Variants in CABIN1 observed in about 807,000 individuals in gnomAD.
CABIN1 encodes calcineurin binding protein 1, also known as calcineurin-binding protein cabin-1.
CABIN1 carries 133 observed loss-of-function variants against 227.7 expected under a neutral mutation model. That is an observed-to-expected ratio of 0.58 (90% CI 0.51 to 0.67). The LOEUF is 0.67. Ranked by LOEUF, CABIN1 falls within the 30% of genes least tolerant of loss-of-function variation. The pLI is 0.00. For missense variants in CABIN1, 2,408 were observed against 2,852.5 expected, an observed-to-expected ratio of 0.84 and a Z score of 3.55; for synonymous variants, 1,086 against 1,155.1, an observed-to-expected ratio of 0.94 and a Z score of 1.21.
At chr22:24,027,342 G>A (rs6004045) in intron 1 of CABIN1, among the ~76,000 whole-genome samples, 16,918 of 152,042 alleles carry the variant, frequency 0.11, 1,064 homozygotes, top group East Asian at 0.16. Context: ...ATTTTTTTCT[G>A]TGTAATCTCT....
chr22:24,086,576 T>C (rs1264971221), intron 22 of CABIN1, among the ~76,000 whole-genome samples: 1 of 152,244 alleles, frequency 6.6e-6, no homozygotes, highest in Non-Finnish European at 1.5e-5. Context: ...ACTTGGTGCT[T>C]AGTCTGCTCT....
At chr22:24,122,510 C>T (rs1436808117) in intron 28 of CABIN1, among the ~76,000 whole-genome samples, 1 of 152,074 alleles carries the variant, frequency 6.6e-6, no homozygotes, top group Admixed American at 6.5e-5. Context: ...GAGTTCAAGA[C>T]CACCTTGGCC....
chr22:24,096,710 TG>T (rs1282072349), intron 25 of CABIN1, among the ~76,000 whole-genome samples: 1 of 152,192 alleles, frequency 6.6e-6, no homozygotes, highest in Non-Finnish European at 1.5e-5. Flanking sequence ...TGGGGTGACA[TG>T]GGGAATGTTG....
chr22:24,135,423 T>G (rs1478890734), intron 29 of CABIN1, among the ~76,000 whole-genome samples: 1 of 152,056 alleles, frequency 6.6e-6, no homozygotes, highest in Non-Finnish European at 1.5e-5. Flanking sequence ...TATTGGGCTT[T>G]TAGTGAACTT....
intron 16 of CABIN1, among the ~76,000 whole-genome samples, chr22:24,068,397 G>A (rs948075098): frequency 1.3e-5 from 2 of 152,246 alleles, no homozygotes; most frequent in African/African-American, 4.8e-5. Context: ...AGAGAGGCCA[G>A]TGGTCTCTGC....
At chr22:24,083,498 A>G in intron 20 of CABIN1, 109 bp downstream of exon 20, 2 of 1,247,092 alleles carry the variant, frequency 1.6e-6, no homozygotes, top group South Asian at 1.3e-5. Context: ...TTGGAGTTGC[A>G]TCAGAAGGAG....
At chr22:24,065,565 G>A (rs1489233772) in intron 15 of CABIN1, among the ~76,000 whole-genome samples, 106 of 152,084 alleles carry the variant, frequency 7.0e-4, no homozygotes, top group African/African-American at 2.0e-3. Context: ...AGACGATGGC[G>A]GCCAGGCAGA....
Position 24,087,532 on chromosome 22 carries a change from A to C in CABIN1, c.3344A>C (p.Asp1115Ala). 6.2e-7 allele frequency: 1 copy of C among 1,614,210 alleles called. No individual in the cohort carries two copies. Among genetic ancestry groups the C allele is most frequent in the Non-Finnish European group, 8.5e-7 (1 of 1,180,030 alleles). The change falls in exon 23 of 37, where the codon GAT (aspartate) becomes GCT (alanine). Residue 1115 changes from aspartate (D) to alanine (A), a missense_variant. Physicochemically the swap from Asp to Ala is moderately radical, Grantham distance 126. Transcript: ENST00000263119. ...CTGAACTCCAATGAGCTGAAGAGTG[A>C]TGGGCCCATTTGGAAGCATGCCACG... Reference protein sequence around the residue: ...DKLNSNELKSDGPIWKHATPV... With the variant: ...DKLNSNELKSAGPIWKHATPV...
chr22:24,122,425 A>C (rs1297460817), intron 28 of CABIN1, among the ~76,000 whole-genome samples: 1 of 152,182 alleles, frequency 6.6e-6, no homozygotes, highest in African/African-American at 2.4e-5. Context: ...TGCTCCAATG[A>C]GGCTGGGCAC....
At chr22:24,175,976 A>C in intron 34 of CABIN1, 135 bp from the exon 35 acceptor site, 1 of 1,043,666 alleles carries the variant, frequency 9.6e-7, no homozygotes, top group Middle Eastern at 2.4e-4. Flanking sequence ...TGCCTCAGCC[A>C]GGACCCCAGC....
intron 35 of CABIN1, among the ~76,000 whole-genome samples, chr22:24,176,938 C>T (rs1213534725): frequency 1.3e-5 from 2 of 152,206 alleles, no homozygotes; most frequent in Admixed American, 6.5e-5. Flanking sequence ...AATGTGGAGA[C>T]GAGCCAGGCC....
intron 19 of CABIN1, among the ~76,000 whole-genome samples, chr22:24,076,810 T>A (rs1353038160): frequency 6.6e-6 from 1 of 152,084 alleles, no homozygotes; most frequent in Non-Finnish European, 1.5e-5. Context: ...GCTCCCTGGG[T>A]TTACTAGGGA....
chr22:24,064,933 G>A (rs1162888274), intron 15 of CABIN1, among the ~76,000 whole-genome samples: 2 of 152,100 alleles, frequency 1.3e-5, no homozygotes, highest in Non-Finnish European at 2.9e-5. Flanking sequence ...CACAGACACA[G>A]CAACCATCCG....
At chr22:24,068,840 C>G (rs1250478668) in intron 16 of CABIN1, among the ~76,000 whole-genome samples, 1 of 152,154 alleles carries the variant, frequency 6.6e-6, no homozygotes, top group African/African-American at 2.4e-5. Flanking sequence ...CTTAGACAGT[C>G]TTTCCAAGAG....
At chr22:24,152,092 C>T (rs553511691) in intron 29 of CABIN1, among the ~76,000 whole-genome samples, 5 of 152,332 alleles carry the variant, frequency 3.3e-5, no homozygotes, top group Admixed American at 6.5e-5. Context: ...CCGCATGTGC[C>T]GTCCCCGTGG....
chr22:24,134,292 G>A lies in CABIN1; in HGVS notation c.4633-10G>A, dbSNP rs181072833. 38 of 1,610,892 alleles carry A rather than the reference G, an allele frequency of 2.4e-5. No individual in the cohort carries two copies. The Admixed American group carries it at 5.3e-4, about 23-fold the overall frequency. ...CACACTCACTTTCAACCTACTTCTT[G>A]TTTCCCCAGAACCTCCAGTGGGCCC... is the stretch of plus-strand genomic sequence containing the variant. On this transcript the variant is annotated splice_polypyrimidine_tract_variant and intron_variant, in intron 28 of 36. Transcript: ENST00000263119.
At chr22:24,039,736 T>TTTCAGCCTTAAAAGGTTGC (rs1366913031) in intron 4 of CABIN1, among the ~76,000 whole-genome samples, 1 of 152,240 alleles carries the variant, frequency 6.6e-6, no homozygotes, top group East Asian at 1.9e-4. Context: ...AGTGTATCAC[T>TTTCAGCCTTAAAAGGTTGC]TTCAGCCTTA....
At position 24,084,925 on chromosome 22, in the gene CABIN1, T is replaced by TG. The variant is rs2041053131; in HGVS notation, c.3118-80dup. ...AGGAGAGGCTGGAGAGTCTGTCCTG[T>TG]GACTAAACAGTCCTGGGTTTACTGG... is the stretch of plus-strand genomic sequence containing the variant. On this transcript the variant is annotated intron_variant, in intron 21 of 36. Coordinates refer to ENST00000263119, the MANE Select transcript of CABIN1 (RefSeq NM_012295.4). The TG allele has an allele frequency of 2.5e-6, 4 of 1,591,706 alleles. No homozygotes were observed. In the South Asian group the frequency reaches 4.4e-5, roughly 18 times the overall value.
chr22:24,034,354 A>G (rs948325283), intron 1 of CABIN1, among the ~76,000 whole-genome samples: 1 of 152,390 alleles, frequency 6.6e-6, no homozygotes, highest in East Asian at 1.9e-4. Context: ...GCCAGAAGAT[A>G]CATGCTATTT....
Sources: gnomAD v4.1 joint callset for allele counts (sites outside exome capture counted in the v4.1 genomes callset) on GRCh38, gnomAD v4.1.1 for gene constraint, MANE v1.5 for transcripts, NCBI Gene and HGNC (gene_info 2026-07-23, HGNC 2026-07-21) for gene names.